Variants in CNTN5 observed in about 807,000 individuals in gnomAD.
The protein encoded by CNTN5 is contactin-5.
CNTN5 carries 77 observed loss-of-function variants against 129.1 expected under a neutral mutation model. That is an observed-to-expected ratio of 0.60 (90% confidence interval 0.50 to 0.72). The LOEUF is 0.72. Ranked by LOEUF, CNTN5 falls within the 30% of genes least tolerant of loss-of-function variation. CNTN5 has a pLI of 0.00. For missense variants in CNTN5, 1,478 were observed against 1,328.8 expected, an observed-to-expected ratio of 1.11 and a Z score of -1.75; for synonymous variants, 509 against 465.6, an observed-to-expected ratio of 1.09 and a Z score of -1.20.
intron 2 of CNTN5, among the ~76,000 whole-genome samples, chr11:99,379,197 G>A (rs111359107): frequency 1.7e-5 from 2 of 120,736 alleles, no homozygotes; most frequent in African/African-American, 6.3e-5. Flanking sequence ...TTTTTTTACT[G>A]TTGTATCACC....
chr11:99,639,559 G>GTTTTTTTTTTTTTTTTTTTTT (rs71050010), intron 3 of CNTN5, among the ~76,000 whole-genome samples: 2 of 70,322 alleles, frequency 2.8e-5, no homozygotes, highest in East Asian at 3.9e-4. Flanking sequence ...TCACCTTTAT[G>GTTTTTTTTTTTTTTTTTTTTT]TTTTTTTTTT....
intron 2 of CNTN5, among the ~76,000 whole-genome samples, chr11:99,414,301 G>T (rs527283372): frequency 3.3e-5 from 5 of 152,210 alleles, no homozygotes; most frequent in African/African-American, 7.2e-5. Context: ...TTTGAGCTGG[G>T]TGTGTTGGTG....
At chr11:99,261,867 A>G (rs566167944) in intron 1 of CNTN5, among the ~76,000 whole-genome samples, 1 of 152,112 alleles carries the variant, frequency 6.6e-6, no homozygotes, top group Non-Finnish European at 1.5e-5. Context: ...AAATCCCTGT[A>G]AATTCTCATA....
intron 8 of CNTN5, among the ~76,000 whole-genome samples, chr11:99,997,955 A>G (rs1354161960): frequency 6.6e-6 from 1 of 152,104 alleles, no homozygotes; most frequent in Non-Finnish European, 1.5e-5. Context: ...AAATTCAACA[A>G]TCTTCATGCT....
At chr11:99,328,870 C>CAAAAAAAAAAAAAAAA (rs10542347) in intron 2 of CNTN5, among the ~76,000 whole-genome samples, 23 of 87,646 alleles carry the variant, frequency 2.6e-4, no homozygotes, top group Non-Finnish European at 3.5e-4. Flanking sequence ...AACTCCATCT[C>CAAAAAAAAAAAAAAAA]AAAAAAAAAA....
intron 3 of CNTN5, among the ~76,000 whole-genome samples, chr11:99,585,613 G>A (rs1949768349): frequency 6.6e-6 from 1 of 151,992 alleles, no homozygotes; most frequent in African/African-American, 2.4e-5. Context: ...AATACAGATA[G>A]ATATAACTCA....
Position 100,356,257 on chromosome 11 carries a change from T to C in CNTN5, c.*37T>C. The C allele has an allele frequency of 7.3e-7, 1 of 1,375,024 alleles. No individual in the cohort carries two copies. The highest frequency in any genetic ancestry group is 1.0e-6 in the Non-Finnish European group (1 of 977,122). The allele number at this position is 1,375,024 out of a possible 1,614,324, so 85.2% of individuals were successfully genotyped here. A position where few individuals can be genotyped will look rare whatever the true frequency, so the allele number is the denominator to read the frequency against. ...TTAATTTGCTTTTGTTTGCTTTAGC[T>C]TGGTAACAGCGGTGAATAGAGTGTA... On this transcript the variant is annotated 3_prime_UTR_variant, in exon 25 of 25. Coordinates refer to ENST00000524871, the MANE Select transcript of CNTN5 (RefSeq NM_014361.4).
Position 99,819,850 on chromosome 11 carries a change from T to C in CNTN5, c.277+85T>C, listed in dbSNP as rs1449368617. 14 of 875,664 alleles carry C rather than the reference T, an allele frequency of 1.6e-5. No homozygotes were observed. In the Admixed American group the frequency reaches 2.6e-4, roughly 16 times the overall value. The allele number at this position is 875,664 out of a possible 1,614,324, so 54.2% of individuals were successfully genotyped here. A position where few individuals can be genotyped will look rare whatever the true frequency, so the allele number is the denominator to read the frequency against. On this transcript the variant is annotated intron_variant, in intron 4 of 24. Coordinates refer to ENST00000524871, the MANE Select transcript of CNTN5 (RefSeq NM_014361.4). ...ATACTGTTGCAACAGAGATCAAGAC[T>C]ATTCCAGTAGGAGAGAGTGATTGAA...
At chr11:99,345,150 C>A (rs535932543) in intron 2 of CNTN5, among the ~76,000 whole-genome samples, 1 of 151,962 alleles carries the variant, frequency 6.6e-6, no homozygotes, top group Admixed American at 6.6e-5. Flanking sequence ...AGCATATAAG[C>A]CATATGAATA....
At chr11:99,524,782 G>A (rs992746854) in intron 2 of CNTN5, among the ~76,000 whole-genome samples, 3 of 150,870 alleles carry the variant, frequency 2.0e-5, no homozygotes, top group Admixed American at 6.6e-5. Context: ...CAGCCTGGGC[G>A]ACAGAGCAAG....
chr11:99,356,190 C>A (rs910174046), intron 2 of CNTN5, among the ~76,000 whole-genome samples: 2 of 79,092 alleles, frequency 2.5e-5, no homozygotes, highest in African/African-American at 6.4e-5. Context: ...CCTTAACCAC[C>A]CCCCCCCAAC....
chr11:99,904,244 A>T (rs1001604770), intron 6 of CNTN5, among the ~76,000 whole-genome samples: 7 of 152,016 alleles, frequency 4.6e-5, no homozygotes, highest in African/African-American at 1.7e-4. Flanking sequence ...CTCATCATCT[A>T]CATTAGGTAT....
chr11:99,545,907 C>T (rs117519862), intron 2 of CNTN5, among the ~76,000 whole-genome samples: 3,976 of 152,248 alleles, frequency 0.026, 81 homozygotes, highest in South Asian at 0.04. Flanking sequence ...CCTAAGTCGT[C>T]CCACTCATTA....
intron 22 of CNTN5, 115 bp downstream of exon 22, chr11:100,340,764 G>C: frequency 1.1e-6 from 1 of 946,396 alleles, no homozygotes; most frequent in Admixed American, 3.0e-5. Flanking sequence ...TTGATTCATA[G>C]TCTTGCTTCA....
intron 1 of CNTN5, among the ~76,000 whole-genome samples, chr11:99,116,227 T>G (rs1858038727): frequency 6.6e-6 from 1 of 152,194 alleles, no homozygotes; most frequent in African/African-American, 2.4e-5. Flanking sequence ...TCACTTGCAT[T>G]TCTTTTTAGT....
chr11:99,457,932 T>C (rs990745914), intron 2 of CNTN5, among the ~76,000 whole-genome samples: 6 of 151,928 alleles, frequency 3.9e-5, no homozygotes, highest in African/African-American at 1.4e-4. Context: ...CTTGAAATTC[T>C]TTTGTTGACA....
intron 1 of CNTN5, among the ~76,000 whole-genome samples, chr11:99,062,363 A>T (rs1864920590): frequency 1.3e-5 from 2 of 152,150 alleles, no homozygotes; most frequent in Admixed American, 6.6e-5. Flanking sequence ...CTACCTGGGC[A>T]AGGGATTGGG....
chr11:100,240,110 A>G (rs1226613341), intron 16 of CNTN5, among the ~76,000 whole-genome samples: 2 of 152,214 alleles, frequency 1.3e-5, no homozygotes, highest in African/African-American at 4.8e-5. Context: ...ATGTTAAGTC[A>G]AGATAATAAG....
intron 7 of CNTN5, 22 bp from the exon 8 acceptor site, chr11:99,956,784 A>G: frequency 6.2e-7 from 1 of 1,604,248 alleles, no homozygotes; most frequent in South Asian, 1.1e-5. Context: ...TCTTTCGTTG[A>G]CCAAATTTTG....
Sources: allele counts gnomAD v4.1 joint callset (sites outside exome capture counted in the v4.1 genomes callset), GRCh38; gene constraint gnomAD v4.1.1; transcripts MANE v1.5; gene names NCBI Gene and HGNC (gene_info 2026-07-23, HGNC 2026-07-21).